ARHGEF3: variants seen among roughly 807,000 people sequenced by gnomAD.
ARHGEF3 encodes the protein 59.8 kDA protein.
A neutral mutation model predicts 63.2 loss-of-function variants in ARHGEF3; 28 were observed. The ratio of observed to expected loss-of-function variants is 0.44; its 90% CI spans 0.33 to 0.61. ARHGEF3 has a LOEUF of 0.61. Ranked by LOEUF, ARHGEF3 falls within the 20% of genes least tolerant of loss-of-function variation. ARHGEF3 has a pLI of 0.03. For missense variants in ARHGEF3, 533 were observed against 659.3 expected, an observed-to-expected ratio of 0.81 and a Z score of 2.10; for synonymous variants, 266 against 254.2, an observed-to-expected ratio of 1.05 and a Z score of -0.44.
At chr3:57,007,080 T>C in intron 2 of ARHGEF3, 1 of 1,011,610 alleles carries the variant, frequency 9.9e-7, no homozygotes, top group Non-Finnish European at 1.3e-6. Flanking sequence ...ACTATTAAGG[T>C]GTGCTCAGCA....
chr3:56,848,053 A>G (rs1300417647), intron 4 of ARHGEF3, among the ~76,000 whole-genome samples: 1 of 152,234 alleles, frequency 6.6e-6, no homozygotes, highest in Non-Finnish European at 1.5e-5. Context: ...GGAAATGTGC[A>G]CTGGGGAGCA....
intron 2 of ARHGEF3, among the ~76,000 whole-genome samples, chr3:56,993,737 T>G (rs1273831969): frequency 6.6e-6 from 1 of 151,464 alleles, no homozygotes; most frequent in Non-Finnish European, 1.5e-5. Flanking sequence ...AGGAGAAATA[T>G]TCATATCTCA....
At position 56,991,108 on chromosome 3, in the gene ARHGEF3, G is replaced by A. The variant is rs75913380; in HGVS notation, c.63-32219C>T. On this transcript the variant is annotated intron_variant, in intron 2 of 12. Transcript: ENST00000338458. ...CATGTCTTTTACCGCCCCAAGCCCT[G>A]TTTGGGTAACTGCCCCATTACCCTA... Among the ~76,000 whole-genome samples, 1,216 of 152,186 alleles carry A rather than the reference G, an allele frequency of 8.0e-3. 14 individuals are homozygous for A. Among genetic ancestry groups the A allele is most frequent in the African/African-American group, 0.027 (1,130 of 41,504 alleles).
At chr3:56,899,005 G>C (rs1578793841) in intron 3 of ARHGEF3, among the ~76,000 whole-genome samples, 1 of 152,344 alleles carries the variant, frequency 6.6e-6, no homozygotes, top group Middle Eastern at 3.4e-3. Flanking sequence ...AGTGATCCGA[G>C]ATTGCACCAC....
chr3:57,019,311 C>T (rs1348189005), intron 2 of ARHGEF3, among the ~76,000 whole-genome samples: 4 of 152,298 alleles, frequency 2.6e-5, no homozygotes, highest in Non-Finnish European at 5.9e-5. Context: ...CCTCCCTTCC[C>T]GGCACAATTC....
chr3:56,990,445 G>A (rs1315032392), intron 2 of ARHGEF3, among the ~76,000 whole-genome samples: 6 of 152,182 alleles, frequency 3.9e-5, no homozygotes, highest in Non-Finnish European at 7.3e-5. Flanking sequence ...TTACTTGGGC[G>A]TGGTGACGTG....
chr3:56,739,294 A>C (rs1361544481), intron 7 of ARHGEF3, among the ~76,000 whole-genome samples: 1 of 152,168 alleles, frequency 6.6e-6, no homozygotes, highest in Non-Finnish European at 1.5e-5. Flanking sequence ...ATCTCTGAAA[A>C]GCAAGGTTCC....
chr3:56,751,223 T>C (rs1443391027), intron 5 of ARHGEF3, 77 bp downstream of exon 5: 8 of 1,542,656 alleles, frequency 5.2e-6, no homozygotes, highest in South Asian at 1.1e-5. Flanking sequence ...TTGCAGGCAA[T>C]TAATAATCAC....
rs1249225026 is a variant in ARHGEF3 at position 56,763,301 on chromosome 3, G to A, written c.205-8150C>T. Among the ~76,000 whole-genome samples the A allele has an allele frequency of 2.6e-5, 4 of 152,140 alleles. No homozygotes were observed. In the East Asian group the frequency reaches 7.7e-4, roughly 29 times the overall value. The stretch of plus-strand genomic sequence containing the variant: ...AGTTACCTATCATTGTCATACCACA[G>A]ACCACACTGCCACTATTAGTGCTTG... On this transcript the variant is annotated intron_variant, in intron 2 of 9. Transcript: ENST00000296315.
At chr3:56,773,254 C>T (rs1019382484) in intron 2 of ARHGEF3, among the ~76,000 whole-genome samples, 7 of 152,010 alleles carry the variant, frequency 4.6e-5, no homozygotes, top group Admixed American at 3.9e-4. Flanking sequence ...TGACTTTCCC[C>T]CAAGAATTTT....
intron 4 of ARHGEF3, among the ~76,000 whole-genome samples, chr3:56,839,136 C>T (rs918756538): frequency 1.5e-4 from 22 of 147,930 alleles, no homozygotes; most frequent in African/African-American, 2.2e-4. Flanking sequence ...GAGACCTTGT[C>T]TCAAAAAAAA....
rs1182252944 is a variant in ARHGEF3 at position 56,967,958 on chromosome 3, TAAA to T, written c.63-9072_63-9070del. ...TAAAATATATTATATATTATATATA[TAAA>T]ATATATTTTATATTATAGTTTATAT... On this transcript the variant is annotated intron_variant, in intron 2 of 12. Coordinates refer to the ARHGEF3 transcript ENST00000338458. Among the ~76,000 whole-genome samples the T allele has an allele frequency of 3.5e-4, 23 of 66,058 alleles. No homozygotes were observed. In the East Asian group the frequency reaches 0.011, roughly 32 times the overall value. The allele number at this position is 66,058 out of a possible 152,430, so 43.3% of individuals were successfully genotyped here. A position where few individuals can be genotyped will look rare whatever the true frequency, so the allele number is the denominator to read the frequency against.
chr3:56,768,203 G>A (rs747543343), intron 2 of ARHGEF3, among the ~76,000 whole-genome samples: 2 of 151,964 alleles, frequency 1.3e-5, no homozygotes, highest in South Asian at 2.1e-4. Flanking sequence ...GATTACAGGC[G>A]TGTGCCACCA....
intron 3 of ARHGEF3, chr3:56,882,495 T>C (rs2040800388): frequency 3.3e-6 from 2 of 608,144 alleles, no homozygotes; most frequent in South Asian, 2.0e-5. Flanking sequence ...CCAAGCTATG[T>C]AAATGAACAC....
chr3:56,784,401 A>G (rs766820587), intron 1 of ARHGEF3, among the ~76,000 whole-genome samples: 2 of 152,190 alleles, frequency 1.3e-5, no homozygotes, highest in Non-Finnish European at 2.9e-5. Context: ...TGATGCCAAC[A>G]AGGCACCCAG....
At chr3:57,021,698 A>G (rs528158221) in intron 2 of ARHGEF3, among the ~76,000 whole-genome samples, 1 of 151,712 alleles carries the variant, frequency 6.6e-6, no homozygotes, top group East Asian at 1.9e-4. Context: ...GGTTGCAGTG[A>G]GCTGAGATCA....
chr3:57,007,438 G>A (rs1702511616), intron 2 of ARHGEF3: 2 of 1,169,646 alleles, frequency 1.7e-6, no homozygotes, highest in Non-Finnish European at 1.1e-6. Context: ...CTTGGAAAGT[G>A]AGAATTTGGT....
chr3:57,019,329 T>C (rs1703150228), intron 2 of ARHGEF3, among the ~76,000 whole-genome samples: 1 of 152,118 alleles, frequency 6.6e-6, no homozygotes, highest in East Asian at 1.9e-4. Context: ...TTCTTCAGGA[T>C]CAGGTTTCTT....
At chr3:56,780,799 T>TC (rs2036528097) in intron 1 of ARHGEF3, among the ~76,000 whole-genome samples, 1 of 152,242 alleles carries the variant, frequency 6.6e-6, no homozygotes, top group Non-Finnish European at 1.5e-5. Flanking sequence ...CAAAGATGTA[T>TC]CCTTCCTGGT....
Sources: allele counts gnomAD v4.1 joint callset (sites outside exome capture counted in the v4.1 genomes callset), GRCh38; gene constraint gnomAD v4.1.1; transcripts MANE v1.5; gene names NCBI Gene and HGNC (gene_info 2026-07-23, HGNC 2026-07-21).